The following AFF2 variants were observed in gnomAD, a reference collection of about 807,000 sequenced individuals.
AFF2 encodes ALF transcription elongation factor 2.
AFF2 carries 14 observed loss-of-function variants against 76.9 expected under a neutral mutation model. The ratio of observed to expected loss-of-function variants is 0.18; its 90% CI spans 0.12 to 0.28. AFF2 has a LOEUF of 0.28. Ranked by LOEUF, AFF2 falls within the 10% of genes least tolerant of loss-of-function variation. The pLI, the probability that AFF2 is intolerant of heterozygous loss-of-function variation, is 1.00. For synonymous variants in AFF2, 398 were observed against 366.7 expected (o/e 1.09, Z -0.98); for missense variants, 868 against 1,001.1 (o/e 0.87, Z 1.79).
At chrX:148,679,185 T>A (rs1227880261) in intron 3 of AFF2, among the ~76,000 whole-genome samples, 3 of 104,781 alleles carry the variant, frequency 2.9e-5, no homozygotes. Context: ...TATAGCAATA[T>A]ACGTATAAAA....
intron 9 of AFF2, among the ~76,000 whole-genome samples, chrX:148,948,044 T>C (rs1039235381): frequency 3.6e-4 from 41 of 112,455 alleles, no homozygotes; most frequent in African/African-American, 1.2e-3. Context: ...GTACATTTCC[T>C]ATACATAGTC....
intron 1 of AFF2, among the ~76,000 whole-genome samples, chrX:148,646,532 G>C (rs1435800309): frequency 8.9e-6 from 1 of 111,985 alleles, no homozygotes; most frequent in African/African-American, 3.3e-5. Context: ...GCCTGTTTCT[G>C]CCAGGACCTC....
chrX:148,534,964 T>C (rs1263764864), intron 1 of AFF2, among the ~76,000 whole-genome samples: 1 of 111,806 alleles, frequency 8.9e-6, no homozygotes, highest in African/African-American at 3.3e-5. Context: ...AAGGAAATGA[T>C]AAAAGGTGTG....
chrX:148,993,012 C>T lies in AFF2; in HGVS notation c.*1680C>T, dbSNP rs1275278824. 8.9e-6 allele frequency: 1 copy of T among 112,832 alleles called. No individual in the cohort carries two copies. Among genetic ancestry groups the T allele is most frequent in the Non-Finnish European group, 1.9e-5 (1 of 53,350 alleles). The allele number at this position is 112,832 out of a possible 1,213,427, so 9.3% of individuals were successfully genotyped here. A position where few individuals can be genotyped will look rare whatever the true frequency, so the allele number is the denominator to read the frequency against. On this transcript the variant is annotated 3_prime_UTR_variant, in exon 21 of 21. Transcript: ENST00000370460. ...CAGCCATGCAGGTCCATGATAGAAA[C>T]AGCAGGTGATGACTCTGCACTCTCA...
chrX:148,706,478 CAT>C (rs1469960682), intron 3 of AFF2, among the ~76,000 whole-genome samples: 2 of 112,528 alleles, frequency 1.8e-5, no homozygotes, highest in African/African-American at 6.5e-5. Flanking sequence ...GCTCACATGT[CAT>C]ACGACATTCA....
At chrX:148,633,633 C>A (rs2054001367) in intron 1 of AFF2, among the ~76,000 whole-genome samples, 1 of 112,371 alleles carries the variant, frequency 8.9e-6, no homozygotes. Context: ...TTTAATAACT[C>A]TTTCTACCTT....
At chrX:148,893,832 T>A (rs782178131) in intron 8 of AFF2, among the ~76,000 whole-genome samples, 1 of 112,063 alleles carries the variant, frequency 8.9e-6, no homozygotes, top group Admixed American at 9.4e-5. Flanking sequence ...TGGGGACCAC[T>A]AAGTACAGAC....
intron 1 of AFF2, among the ~76,000 whole-genome samples, chrX:148,607,179 C>G (rs181784037): frequency 9.0e-6 from 1 of 111,532 alleles, no homozygotes; most frequent in East Asian, 2.9e-4. Flanking sequence ...TTGCCCAAAT[C>G]TTCCAGATTC....
chrX:148,941,885 A>G (rs934687413), intron 9 of AFF2, among the ~76,000 whole-genome samples: 2 of 110,645 alleles, frequency 1.8e-5, no homozygotes, highest in Non-Finnish European at 3.8e-5. Context: ...GTTCTTTACC[A>G]GGTGACTCTG....
At position 148,907,057 on chromosome X, in the gene AFF2, C is replaced by T. The variant is rs527282925; in HGVS notation, c.1397+2799C>T. The stretch of plus-strand genomic sequence containing the variant: ...GTTCCATTCGTTGGAATCCATGAGG[C>T]CAAGAACCCCAGGTCAGAGAATAAA... On this transcript the variant is annotated intron_variant, in intron 9 of 20. Coordinates refer to ENST00000370460, the MANE Select transcript of AFF2 (RefSeq NM_002025.4). Among the ~76,000 whole-genome samples, 201 of 111,767 alleles carry T rather than the reference C, an allele frequency of 1.8e-3. 1 individual carries two copies. The Middle Eastern group carries it at 0.018, about 10-fold the overall frequency.
At chrX:148,838,379 A>ATCATT (rs2070554754) in intron 5 of AFF2, among the ~76,000 whole-genome samples, 1 of 111,801 alleles carries the variant, frequency 8.9e-6, no homozygotes, top group East Asian at 2.8e-4. Flanking sequence ...TACTGAGAAG[A>ATCATT]TACAGTGGGC....
intron 3 of AFF2, among the ~76,000 whole-genome samples, chrX:148,790,152 G>A (rs905661861): frequency 1.8e-5 from 2 of 111,797 alleles, no homozygotes; most frequent in South Asian, 3.7e-4. Flanking sequence ...TGGTCAGAAC[G>A]GCAATTATTA....
At chrX:148,836,618 A>G (rs189428878) in intron 4 of AFF2, among the ~76,000 whole-genome samples, 2 of 111,120 alleles carry the variant, frequency 1.8e-5, no homozygotes, top group East Asian at 5.7e-4. Context: ...ATGGTTCTAT[A>G]TGAAAATGAT....
chrX:148,696,374 A>G (rs1478953383), intron 3 of AFF2, among the ~76,000 whole-genome samples: 1 of 110,545 alleles, frequency 9.0e-6, no homozygotes, highest in African/African-American at 3.3e-5. Flanking sequence ...GGTGCAGCAC[A>G]CCAACATGGC....
At chrX:148,855,631 G>A (rs2070778529) in intron 7 of AFF2, among the ~76,000 whole-genome samples, 1 of 111,868 alleles carries the variant, frequency 8.9e-6, no homozygotes, top group Non-Finnish European at 1.9e-5. Flanking sequence ...AAATATAAAT[G>A]CATGCATGTG....
intron 1 of AFF2, among the ~76,000 whole-genome samples, chrX:148,519,739 T>C (rs1259414476): frequency 9.0e-6 from 1 of 111,696 alleles, no homozygotes; most frequent in Non-Finnish European, 1.9e-5. Flanking sequence ...TACAAACATA[T>C]ATATAAGCTA....
At position 148,994,904 on chromosome X, in the gene AFF2, A is replaced by C. The variant is rs1282998711; in HGVS notation, c.*3572A>C. On this transcript the variant is annotated 3_prime_UTR_variant, in exon 21 of 21. Coordinates refer to ENST00000370460, the MANE Select transcript of AFF2 (RefSeq NM_002025.4). The stretch of plus-strand genomic sequence containing the variant: ...ATAAAATTCACCTGCATGAGTTGGC[A>C]GGTGGGAGAACCAAACTGGATCACT... 1 of 112,290 alleles carries C rather than the reference A, an allele frequency of 8.9e-6. No individual in the cohort carries two copies. The highest frequency in any genetic ancestry group is 1.9e-5 in the Non-Finnish European group (1 of 53,173). 9.3% of individuals were successfully genotyped at this position (112,290 alleles called of 1,213,427 possible).
At chrX:148,735,663 G>A (rs1476791021) in intron 3 of AFF2, among the ~76,000 whole-genome samples, 1 of 110,394 alleles carries the variant, frequency 9.1e-6, no homozygotes, top group African/African-American at 3.3e-5. Context: ...GTGGTATTTG[G>A]TTGCATGTGT....
intron 3 of AFF2, among the ~76,000 whole-genome samples, chrX:148,801,251 C>T (rs1365454125): frequency 1.8e-5 from 2 of 111,978 alleles, no homozygotes; most frequent in Non-Finnish European, 3.8e-5. Context: ...AGCAGTGTCA[C>T]CTTCTTCCAA....
Sources: gnomAD v4.1 joint callset for allele counts (sites outside exome capture counted in the v4.1 genomes callset) on GRCh38, gnomAD v4.1.1 for gene constraint, MANE v1.5 for transcripts, NCBI Gene and HGNC (gene_info 2026-07-23, HGNC 2026-07-21) for gene names.